MYO5B: variants seen among roughly 807,000 people sequenced by gnomAD.
MYO5B encodes the protein unconventional myosin-Vb.
In MYO5B, 143 loss-of-function variants were observed where a neutral mutation model predicts 229.3. The observed-to-expected ratio is 0.62, with a 90% CI of 0.54 to 0.72. The LOEUF is 0.72. Ranked by LOEUF, MYO5B falls within the 30% of genes least tolerant of loss-of-function variation. The pLI is 0.00. For missense variants in MYO5B, 2,321 were observed against 2,331.0 expected (o/e 1.00, Z 0.09); for synonymous variants, 918 against 885.2 (o/e 1.04, Z -0.66).
At chr18:49,957,069 T>G (rs2025500555) in intron 12 of MYO5B, among the ~76,000 whole-genome samples, 2 of 143,554 alleles carry the variant, frequency 1.4e-5, no homozygotes, top group South Asian at 4.4e-4. Flanking sequence ...GTATGGTATG[T>G]CAATTATATC....
chr18:49,950,636 T>C (rs907361737), intron 14 of MYO5B, among the ~76,000 whole-genome samples: 3 of 152,178 alleles, frequency 2.0e-5, no homozygotes, highest in Admixed American at 2.0e-4. Flanking sequence ...AATGTACTTA[T>C]TTTAATCTTA....
chr18:50,160,348 G>C (rs1222431065), intron 1 of MYO5B, among the ~76,000 whole-genome samples: 1 of 152,218 alleles, frequency 6.6e-6, no homozygotes, highest in Non-Finnish European at 1.5e-5. Flanking sequence ...ATTGAAAGGA[G>C]CCTTACAGAT....
At chr18:49,921,981 G>C (rs1050858403) in intron 17 of MYO5B, among the ~76,000 whole-genome samples, 6 of 152,180 alleles carry the variant, frequency 3.9e-5, no homozygotes, top group African/African-American at 1.4e-4. Flanking sequence ...AAGTTGTATG[G>C]TTACTTGACA....
chr18:49,957,034 A>G (rs1394866050), intron 12 of MYO5B, among the ~76,000 whole-genome samples: 1 of 150,034 alleles, frequency 6.7e-6, no homozygotes, highest in Non-Finnish European at 1.5e-5. Flanking sequence ...AAACCACCAA[A>G]TTGTATACTT....
chr18:49,932,620 A>G (rs369978912), intron 16 of MYO5B, among the ~76,000 whole-genome samples: 22 of 152,196 alleles, frequency 1.4e-4, no homozygotes, highest in African/African-American at 5.1e-4. Context: ...AGCTCAACAT[A>G]TCTGCCCAAC....
At chr18:50,132,268 C>G (rs892910696) in intron 1 of MYO5B, among the ~76,000 whole-genome samples, 1 of 152,214 alleles carries the variant, frequency 6.6e-6, no homozygotes, top group African/African-American at 2.4e-5. Flanking sequence ...AGGAGCAGAG[C>G]ATAATGGTTA....
chr18:50,172,192 G>A (rs1231655484), intron 1 of MYO5B, among the ~76,000 whole-genome samples: 3 of 150,076 alleles, frequency 2.0e-5, no homozygotes, highest in African/African-American at 7.4e-5. Context: ...GAAGGGGAAG[G>A]ATCACTTGAG....
chr18:49,949,428 TAA>T (rs1246428384), intron 14 of MYO5B, among the ~76,000 whole-genome samples: 2 of 152,202 alleles, frequency 1.3e-5, no homozygotes, highest in East Asian at 3.8e-4. Context: ...TCTCTTTACT[TAA>T]GTCTCTATTT....
chr18:49,992,945 G>C (rs1176584372), intron 5 of MYO5B, among the ~76,000 whole-genome samples: 2 of 152,170 alleles, frequency 1.3e-5, no homozygotes, highest in Non-Finnish European at 2.9e-5. Context: ...GCAGTCAAAT[G>C]TCACTCCCAA....
intron 1 of MYO5B, among the ~76,000 whole-genome samples, chr18:50,145,110 T>C (rs1414097366): frequency 6.6e-6 from 1 of 152,100 alleles, no homozygotes; most frequent in African/African-American, 2.4e-5. Context: ...ACAGAGGAAG[T>C]TGAGGCTACC....
intron 4 of MYO5B, among the ~76,000 whole-genome samples, chr18:50,009,869 C>T (rs1023114852): frequency 6.6e-6 from 1 of 152,206 alleles, no homozygotes; most frequent in Non-Finnish European, 1.5e-5. Context: ...CACCTGGAGG[C>T]AGGGCACTTG....
At chr18:49,905,785 C>A (rs1033789796) in intron 19 of MYO5B, among the ~76,000 whole-genome samples, 1 of 152,184 alleles carries the variant, frequency 6.6e-6, no homozygotes, top group Non-Finnish European at 1.5e-5. Flanking sequence ...GGCTGACACA[C>A]TCCTGCTGCT....
intron 22 of MYO5B, among the ~76,000 whole-genome samples, chr18:49,886,533 G>C (rs2024643677): frequency 6.6e-6 from 1 of 152,064 alleles, no homozygotes; most frequent in Admixed American, 6.5e-5. Flanking sequence ...CAGGCAAAGG[G>C]GTTGGCTTTC....
Position 49,892,220 on chromosome 18 carries a change from G to T in MYO5B, c.3045+2721C>A, listed in dbSNP as rs577836049. 3.9e-5 allele frequency among the ~76,000 whole-genome samples: 6 copies of T among 152,354 alleles called. 1 individual carries two copies. The highest frequency in any genetic ancestry group is 1.4e-4 in the African/African-American group (6 of 41,590). On this transcript the variant is annotated intron_variant, in intron 22 of 39. Transcript: ENST00000285039. ...AATGCACAGGCTAAAAGGGAAGGAGGCTAAGGGCCTGGGTGTGGACTACCC... is the reference window on the plus strand; with the variant it reads ...AATGCACAGGCTAAAAGGGAAGGAGTCTAAGGGCCTGGGTGTGGACTACCC...
At chr18:50,163,005 T>C (rs913874081) in intron 1 of MYO5B, among the ~76,000 whole-genome samples, 22 of 152,198 alleles carry the variant, frequency 1.4e-4, no homozygotes, top group African/African-American at 5.3e-4. Context: ...TGTTTTACAT[T>C]TCAATGATTT....
At chr18:50,046,917 A>G (rs1394724793) in intron 2 of MYO5B, among the ~76,000 whole-genome samples, 1 of 152,202 alleles carries the variant, frequency 6.6e-6, no homozygotes, top group African/African-American at 2.4e-5. Flanking sequence ...TCCCTTCCTT[A>G]CACCTTATAC....
intron 35 of MYO5B, 43 bp downstream of exon 35, chr18:49,841,322 G>A: frequency 6.3e-7 from 1 of 1,580,688 alleles, no homozygotes; most frequent in South Asian, 1.1e-5. Context: ...ACCACATTTG[G>A]ATGAAGCAGG....
At chr18:50,152,791 C>G (rs1184169644) in intron 1 of MYO5B, among the ~76,000 whole-genome samples, 1 of 135,478 alleles carries the variant, frequency 7.4e-6, no homozygotes, top group African/African-American at 2.8e-5. Flanking sequence ...TTAAAACCTA[C>G]AAAGAGTAAA....
intron 1 of MYO5B, among the ~76,000 whole-genome samples, chr18:50,158,472 C>A (rs2032715815): frequency 6.6e-6 from 1 of 152,132 alleles, no homozygotes; most frequent in South Asian, 2.1e-4. Flanking sequence ...CCCTCAGGAC[C>A]CACAATTATT....
Sources: gnomAD v4.1 joint callset for allele counts (sites outside exome capture counted in the v4.1 genomes callset) on GRCh38, gnomAD v4.1.1 for gene constraint, MANE v1.5 for transcripts, NCBI Gene and HGNC (gene_info 2026-07-23, HGNC 2026-07-21) for gene names.